The following NCOR2 variants were observed in gnomAD, a reference collection of about 807,000 sequenced individuals.
The protein encoded by NCOR2 is nuclear receptor corepressor 2.
NCOR2 carries 81 observed loss-of-function variants against 262.9 expected under a neutral mutation model. The ratio of observed to expected loss-of-function variants is 0.31; its 90% CI spans 0.26 to 0.37. NCOR2 has a LOEUF of 0.37. NCOR2 is among the 10% of genes least tolerant of loss of function. The pLI is 1.00. For missense variants in NCOR2, 3,385 were observed against 3,621.4 expected (o/e 0.93, Z 1.68); for synonymous variants, 1,659 against 1,559.3 (o/e 1.06, Z -1.51).
chr12:124,507,926 C>T (rs1199646711), intron 1 of NCOR2, among the ~76,000 whole-genome samples: 1 of 152,222 alleles, frequency 6.6e-6, no homozygotes, highest in Non-Finnish European at 1.5e-5. Context: ...GCTTCTCCTC[C>T]ATGCACGCAG....
intron 1 of NCOR2, among the ~76,000 whole-genome samples, chr12:124,547,382 A>G (rs186204357): frequency 1.6e-3 from 248 of 152,338 alleles, no homozygotes; most frequent in Middle Eastern, 0.014. Context: ...ATGTGTAGGA[A>G]AAGATGGAGT....
intron 3 of NCOR2, among the ~76,000 whole-genome samples, chr12:124,478,924 C>T (rs1365177946): frequency 1.3e-5 from 2 of 152,206 alleles, no homozygotes; most frequent in East Asian, 3.9e-4. Flanking sequence ...CCAGAGGGCG[C>T]ACCACAGGCA....
At chr12:124,396,814 G>A (rs1384047823) in intron 16 of NCOR2, among the ~76,000 whole-genome samples, 6 of 152,174 alleles carry the variant, frequency 3.9e-5, no homozygotes, top group Admixed American at 1.3e-4. Flanking sequence ...GGACGGGGCC[G>A]GGCCCAGGAG....
intron 5 of NCOR2, among the ~76,000 whole-genome samples, chr12:124,462,549 G>A (rs949759287): frequency 4.6e-5 from 7 of 152,248 alleles, no homozygotes; most frequent in Admixed American, 6.5e-5. Flanking sequence ...TCGCGGGGCT[G>A]AAACGGACAA....
At position 124,531,230 on chromosome 12, in the gene NCOR2, GATA is replaced by G. The variant is rs976434664; in HGVS notation, c.-118+4332_-118+4334del. On this transcript the variant is annotated intron_variant, in intron 1 of 46. Transcript: ENST00000404621. This position sits in a 1 kb window ranked among gnomAD's most constrained non-coding sequence, Gnocchi z 4.5. ...AGCCCACCCGTTTATGAAAGAAAAT[GATA>G]ATAATAATAGAAGGACAGGGAGGGG... Among the ~76,000 whole-genome samples the G allele has an allele frequency of 2.6e-5, 4 of 152,106 alleles. No homozygotes were observed. The highest frequency in any genetic ancestry group is 5.9e-5 in the Non-Finnish European group (4 of 68,024).
At chr12:124,391,509 G>C (rs1033989257) in intron 16 of NCOR2, among the ~76,000 whole-genome samples, 1 of 152,286 alleles carries the variant, frequency 6.6e-6, no homozygotes, top group African/African-American at 2.4e-5. Flanking sequence ...TGGCGGGGGG[G>C]GGGTTCCACA....
chr12:124,539,848 T>C (rs944401290), upstream of NCOR2, among the ~76,000 whole-genome samples: 1 of 152,114 alleles, frequency 6.6e-6, no homozygotes, highest in Admixed American at 6.5e-5. The surrounding 1 kb of genome is among the most constrained non-coding windows in gnomAD (Gnocchi z 5.1). Flanking sequence ...GAAGCCCGCC[T>C]GGCTCACCCC....
intron 27 of NCOR2, among the ~76,000 whole-genome samples, chr12:124,352,201 T>C (rs1305796812): frequency 6.6e-6 from 1 of 152,194 alleles, no homozygotes; most frequent in East Asian, 1.9e-4. Flanking sequence ...TGCAGCATCC[T>C]GGCGGGAAAA....
At chr12:124,335,624 C>A in exon 39 of NCOR2, 2 of 1,600,852 alleles carry the variant, frequency 1.2e-6, no homozygotes, top group Non-Finnish European at 1.7e-6. Flanking sequence ...TAGCTGCTGC[C>A]GTGGTAACCT....
chr12:124,495,713 C>A, upstream of NCOR2, among the ~76,000 whole-genome samples: 1 of 152,172 alleles, frequency 6.6e-6, no homozygotes, highest in Admixed American at 6.5e-5. The surrounding 1 kb of genome is among the most constrained non-coding windows in gnomAD (Gnocchi z 4.4). Flanking sequence ...TCCATGGCCC[C>A]CGGGTTTCTA....
chr12:124,335,421 T>C (rs2035794128), intron 39 of NCOR2, 62 bp downstream of exon 41: 1 of 1,556,314 alleles, frequency 6.4e-7, no homozygotes, highest in East Asian at 2.3e-5. Context: ...ATCTGCATGA[T>C]GGGGCCTTGA....
chr12:124,357,581 C>T (rs2038048516), intron 22 of NCOR2, among the ~76,000 whole-genome samples: 1 of 152,226 alleles, frequency 6.6e-6, no homozygotes, highest in Non-Finnish European at 1.5e-5. Flanking sequence ...CAGGCGTGAG[C>T]CCCCACGCCT....
rs1307149635 is a variant in NCOR2 at position 124,350,805 on chromosome 12, C to T, written c.3694-68G>A. On this transcript the variant is annotated intron_variant, in intron 27 of 46. Transcript: ENST00000405201. ...GGACCCCTCTCAACTCAAATGCAGG[C>T]AAAGACGTGCTTAAAAGCCCATGTG... The T allele has an allele frequency of 2.6e-6, 4 of 1,531,034 alleles. No homozygotes were observed. The African/African-American group carries it at 5.5e-5, about 21-fold the overall frequency. The allele number at this position is 1,531,034 out of a possible 1,614,324, so 94.8% of individuals were successfully genotyped here. A position where few individuals can be genotyped will look rare whatever the true frequency, so the allele number is the denominator to read the frequency against.
intron 1 of NCOR2, among the ~76,000 whole-genome samples, chr12:124,551,015 G>C (rs1192652687): frequency 6.6e-6 from 1 of 152,264 alleles, no homozygotes; most frequent in Non-Finnish European, 1.5e-5. Context: ...CTGGATCAAA[G>C]CTGGTTTGCA....
rs1338232439 is a variant in NCOR2, at chr12:124,378,713, G to C, written c.2020-329C>G. ...AGAGCGAGTGACCACGCCTCCTGGGGACACCCTGTCAGCTTCATCGGCACA... is the reference window on the plus strand; with the variant it reads ...AGAGCGAGTGACCACGCCTCCTGGGCACACCCTGTCAGCTTCATCGGCACA... On this transcript the variant is annotated intron_variant, in intron 17 of 46. Transcript: ENST00000405201. The surrounding 1 kb of genome is among the most constrained non-coding windows in gnomAD (Gnocchi z 4.2). Among the ~76,000 whole-genome samples the C allele has an allele frequency of 6.6e-6, 1 of 152,196 alleles. No homozygotes were observed. Among genetic ancestry groups the C allele is most frequent in the Admixed American group, 6.5e-5 (1 of 15,284 alleles).
chr12:124,364,074 C>G (rs371602763), intron 20 of NCOR2, among the ~76,000 whole-genome samples: 2 of 152,198 alleles, frequency 1.3e-5, no homozygotes, highest in East Asian at 3.9e-4. Context: ...CATCAGGGGC[C>G]AAGCCAGCCT....
intron 3 of NCOR2, among the ~76,000 whole-genome samples, chr12:124,478,821 A>C (rs563188543): frequency 2.7e-5 from 4 of 148,698 alleles, no homozygotes; most frequent in Non-Finnish European, 4.5e-5. Flanking sequence ...AGACACACAC[A>C]AACAGAAAGA....
chr12:124,341,271 G>C (rs1321354397), intron 34 of NCOR2, among the ~76,000 whole-genome samples: 2 of 149,072 alleles, frequency 1.3e-5, no homozygotes, highest in African/African-American at 5.0e-5. Context: ...ACACAGTCTT[G>C]CCCTGTTGCC....
At chr12:124,354,681 C>T (rs1416013768) in intron 25 of NCOR2, 99 bp from the exon 28 acceptor site, 3 of 1,325,364 alleles carry the variant, frequency 2.3e-6, no homozygotes, top group South Asian at 1.5e-5. Context: ...AAGCGCTGCC[C>T]CTCCCCACCA....
Sources: allele counts gnomAD v4.1 joint callset (sites outside exome capture counted in the v4.1 genomes callset), GRCh38; gene constraint gnomAD v4.1.1; non-coding constraint Gnocchi (gnomAD v3.1); transcripts MANE v1.5; gene names NCBI Gene and HGNC (gene_info 2026-07-23, HGNC 2026-07-21).